The following COL12A1 variants were observed in gnomAD, a reference collection of about 807,000 sequenced individuals.
COL12A1 encodes collagen type XII alpha 1 chain.
In COL12A1, 114 loss-of-function variants were observed where a neutral mutation model predicts 349.7. The observed-to-expected ratio is 0.33, with a 90% CI of 0.28 to 0.38. The LOEUF is 0.38. Among genes scored for constraint, COL12A1 ranks in the 10% least tolerant of loss-of-function variants. The pLI is 1.00. For missense variants in COL12A1, 3,284 were observed against 3,756.9 expected, an observed-to-expected ratio of 0.87 and a Z score of 3.29; for synonymous variants, 1,369 against 1,329.0, an observed-to-expected ratio of 1.03 and a Z score of -0.66.
chr6:75,183,531 A>C lies in COL12A1; in HGVS notation c.1410T>G (p.Phe470Leu). 1.2e-6 allele frequency: 2 copies of C among 1,614,136 alleles called. No individual in the cohort carries two copies. The highest frequency in any genetic ancestry group is 1.7e-6 in the Non-Finnish European group (2 of 1,180,018). The change falls in exon 10 of 66, where the codon TTT becomes TTG. Residue 470 changes from phenylalanine to leucine, a missense_variant. Around this residue, in one of 2 missense-constraint regions of COL12A1, gnomAD observed 2,601 missense variants for 2,824.8 expected, o/e 0.92. Transcript: ENST00000322507. ...RAFLEVLVKS[F>L]EISPNRVQIS... ...TCTGGACCCTATTTGGTGAAATTTC[A>C]AAACTTTTTACAAGAACTTCCAAAA...
At chr6:75,177,112 A>G (rs1169450212) in intron 12 of COL12A1, among the ~76,000 whole-genome samples, 1 of 152,206 alleles carries the variant, frequency 6.6e-6, no homozygotes, top group African/African-American at 2.4e-5. Flanking sequence ...TTTTTAAAAG[A>G]ATATTGAGAC....
intron 14 of COL12A1, among the ~76,000 whole-genome samples, chr6:75,159,757 G>A (rs1475572640): frequency 1.3e-5 from 2 of 150,506 alleles, no homozygotes; most frequent in East Asian, 3.9e-4. Context: ...AAAATAAAAA[G>A]TTAAATCTTA....
intron 1 of COL12A1, among the ~76,000 whole-genome samples, 194 bp downstream of exon 1, chr6:75,205,583 C>T (rs1770739582): frequency 6.6e-6 from 1 of 152,122 alleles, no homozygotes; most frequent in Non-Finnish European, 1.5e-5. Flanking sequence ...TTCCCCTCTC[C>T]CTCAAAAACC....
chr6:75,173,582 C>T (rs993677198), intron 13 of COL12A1, among the ~76,000 whole-genome samples: 2 of 152,128 alleles, frequency 1.3e-5, no homozygotes, highest in African/African-American at 4.8e-5. Flanking sequence ...ACCATGTTGG[C>T]CAGGCTGATC....
intron 3 of COL12A1, among the ~76,000 whole-genome samples, chr6:75,193,432 G>A (rs2149480841): frequency 6.6e-6 from 1 of 152,058 alleles, no homozygotes; most frequent in African/African-American, 2.4e-5. Flanking sequence ...TAAAATCATT[G>A]GTATTTTTAA....
chr6:75,124,843 GTCAT>G (rs1283747655), intron 40 of COL12A1, among the ~76,000 whole-genome samples: 1 of 151,926 alleles, frequency 6.6e-6, no homozygotes, highest in East Asian at 1.9e-4. Flanking sequence ...AATTTTACAG[GTCAT>G]TCATGGATAA....
chr6:75,156,558 T>G (rs201381822), intron 14 of COL12A1, 35 bp from the exon 15 acceptor site: 1 of 1,594,958 alleles, frequency 6.3e-7, no homozygotes. Flanking sequence ...CTGTATACCA[T>G]GTTGAAAAAA....
chr6:75,173,706 T>G (rs765315577), intron 13 of COL12A1, among the ~76,000 whole-genome samples: 21 of 152,156 alleles, frequency 1.4e-4, no homozygotes, highest in Non-Finnish European at 2.8e-4. Context: ...TATTTTTTAT[T>G]TATTTGTTTT....
intron 27 of COL12A1, among the ~76,000 whole-genome samples, chr6:75,140,483 C>T (rs1231911997): frequency 6.6e-6 from 1 of 151,754 alleles, no homozygotes; most frequent in African/African-American, 2.4e-5. Context: ...GGTGAAACCC[C>T]GTCTCTACTA....
chr6:75,202,024 T>G (rs1369010905), intron 2 of COL12A1, among the ~76,000 whole-genome samples: 1 of 152,186 alleles, frequency 6.6e-6, no homozygotes, highest in Non-Finnish European at 1.5e-5. Flanking sequence ...GCTGGAAACC[T>G]TGGCCCAGGC....
rs1768923809 is a variant in COL12A1, at chr6:75,113,288, A to G, written c.7866T>C (p.Phe2622=). 1.3e-6 allele frequency: 2 copies of G among 1,558,036 alleles called. No homozygotes were observed. ...GCACCTCGCCTCTTGTATCCTTGTT[A>G]AAGAATGATAACGTCTTGCTAGAAG... is the stretch of plus-strand genomic sequence containing the variant. ...ADPSSKTLSF[F]NKDTRGEVQT... Residue 2622 remains phenylalanine, a synonymous_variant, in exon 51 of 66, where the codon TTT becomes TTC. Coordinates refer to ENST00000322507, the MANE Select transcript of COL12A1 (RefSeq NM_004370.6).
intron 13 of COL12A1, among the ~76,000 whole-genome samples, chr6:75,166,505 C>T (rs1768316589): frequency 6.6e-6 from 1 of 152,076 alleles, no homozygotes; most frequent in South Asian, 2.1e-4. Flanking sequence ...AACATACAAC[C>T]CAAGTGGAAA....
intron 13 of COL12A1, among the ~76,000 whole-genome samples, chr6:75,166,154 G>A (rs1768296295): frequency 1.3e-5 from 2 of 151,980 alleles, no homozygotes; most frequent in African/African-American, 4.8e-5. Flanking sequence ...TTGTGACATG[G>A]CCCATTGTTC....
intron 13 of COL12A1, among the ~76,000 whole-genome samples, chr6:75,174,433 G>C (rs533912480): frequency 2.0e-5 from 3 of 152,158 alleles, no homozygotes; most frequent in Admixed American, 6.5e-5. Context: ...GCGGGCGCCT[G>C]TAGTCCCAGC....
At chr6:75,129,844 A>T (rs1036026915) in intron 37 of COL12A1, among the ~76,000 whole-genome samples, 1 of 152,188 alleles carries the variant, frequency 6.6e-6, no homozygotes, top group African/African-American at 2.4e-5. Context: ...TAATCATGTG[A>T]TAAGATAGTT....
At chr6:75,194,136 C>G (rs1347264332) in intron 3 of COL12A1, among the ~76,000 whole-genome samples, 1 of 152,076 alleles carries the variant, frequency 6.6e-6, no homozygotes, top group Admixed American at 6.6e-5. Flanking sequence ...AGTTCTAGAT[C>G]CTTAAGGAAT....
chr6:75,195,427 AC>A (rs1770167802), intron 2 of COL12A1, among the ~76,000 whole-genome samples: 1 of 152,178 alleles, frequency 6.6e-6, no homozygotes, highest in African/African-American at 2.4e-5. Context: ...TGGACAAGAA[AC>A]AATGATGGTT....
At chr6:75,151,764 A>T (rs970417433) in intron 20 of COL12A1, 103 bp downstream of exon 20, 1 of 1,219,808 alleles carries the variant, frequency 8.2e-7, no homozygotes, top group Non-Finnish European at 1.1e-6. Context: ...GATAGAAAAA[A>T]ATGGGTATTT....
chr6:75,091,623 T>C, intron 60 of COL12A1, 98 bp from the exon 61 acceptor site: 3 of 1,202,602 alleles, frequency 2.5e-6, no homozygotes, highest in South Asian at 1.3e-5. Context: ...TTCTGTTTTC[T>C]AAAGCATTAG....
Sources: gnomAD v4.1 joint callset for allele counts (sites outside exome capture counted in the v4.1 genomes callset) on GRCh38, gnomAD v4.1.1 for gene constraint, gnomAD v4.1.1 regional missense constraint, MANE v1.5 for transcripts, NCBI Gene and HGNC (gene_info 2026-07-23, HGNC 2026-07-21) for gene names.